The following ADAMTS2 variants were observed in gnomAD, a reference collection of about 807,000 sequenced individuals.
The protein encoded by ADAMTS2 is A disintegrin and metalloproteinase with thrombospondin motifs 2.
In ADAMTS2, 50 loss-of-function variants were observed where a neutral mutation model predicts 123.0. The ratio of observed to expected loss-of-function variants is 0.41; its 90% CI spans 0.32 to 0.51. The LOEUF (loss-of-function observed/expected upper bound fraction) is 0.51, where lower values mean the gene tolerates loss of function less well. Ranked by LOEUF, ADAMTS2 falls within the 20% of genes least tolerant of loss-of-function variation. The pLI is 0.35. For missense variants in ADAMTS2, 1,494 were observed against 1,705.2 expected, an observed-to-expected ratio of 0.88 and a Z score of 2.18; for synonymous variants, 678 against 695.4, an observed-to-expected ratio of 0.98 and a Z score of 0.39.
At chr5:179,311,560 A>G (rs1351350262) in intron 2 of ADAMTS2, among the ~76,000 whole-genome samples, 1 of 152,212 alleles carries the variant, frequency 6.6e-6, no homozygotes, top group Non-Finnish European at 1.5e-5. Flanking sequence ...CAGTTTATCA[A>G]GAACTCTGCT....
In ADAMTS2 at chr5:179,155,032, C is replaced by G; in HGVS notation, c.1133-113G>C. The G allele has an allele frequency of 1.1e-6, 1 of 921,528 alleles. No individual in the cohort carries two copies. Among genetic ancestry groups the G allele is most frequent in the South Asian group, 1.4e-5 (1 of 71,008 alleles). 57.1% of individuals were successfully genotyped at this position (921,528 alleles called of 1,614,324 possible). On this transcript the variant is annotated intron_variant, in intron 6 of 21. Transcript: ENST00000251582. This position sits in a 1 kb window ranked among gnomAD's most constrained non-coding sequence, Gnocchi z 5.1. ...CTCAAGGCCCCAATGCCCTCTCTAC[C>G]ACAGGCAACTGCCCCCGGCTGGCAC... is the stretch of plus-strand genomic sequence containing the variant.
intron 10 of ADAMTS2, among the ~76,000 whole-genome samples, chr5:179,145,857 T>C (rs1763241900): frequency 6.6e-6 from 1 of 152,180 alleles, no homozygotes; most frequent in Non-Finnish European, 1.5e-5. Context: ...CTTTTACTTA[T>C]TTATTTATTT....
intron 9 of ADAMTS2, among the ~76,000 whole-genome samples, chr5:179,152,488 C>T (rs1234888746): frequency 6.6e-6 from 1 of 152,172 alleles, no homozygotes; most frequent in Admixed American, 6.5e-5. Context: ...TCTTTGGAGG[C>T]TGCACACCTC....
chr5:179,231,786 A>G (rs920064252), intron 3 of ADAMTS2, among the ~76,000 whole-genome samples: 1 of 152,000 alleles, frequency 6.6e-6, no homozygotes, highest in Non-Finnish European at 1.5e-5. Context: ...GCAGTGGCTC[A>G]CCCCTGCAGT....
At chr5:179,200,730 C>A (rs911690741) in intron 4 of ADAMTS2, among the ~76,000 whole-genome samples, 1 of 152,176 alleles carries the variant, frequency 6.6e-6, no homozygotes, top group Admixed American at 6.5e-5. Context: ...AAGGGAGAAG[C>A]TTTTCCCCTG....
chr5:179,182,452 T>C (rs1399990793), intron 4 of ADAMTS2, among the ~76,000 whole-genome samples: 1 of 152,132 alleles, frequency 6.6e-6, no homozygotes, highest in African/African-American at 2.4e-5. Context: ...CAACAGTGAT[T>C]GCTACCTCAA....
At chr5:179,318,420 G>C (rs867769708) in intron 2 of ADAMTS2, among the ~76,000 whole-genome samples, 1 of 151,622 alleles carries the variant, frequency 6.6e-6, no homozygotes, top group African/African-American at 2.4e-5. Flanking sequence ...AGGAGATGCC[G>C]GGCGGGGCGG....
At chr5:179,194,576 G>A (rs570717596) in intron 4 of ADAMTS2, among the ~76,000 whole-genome samples, 3 of 152,254 alleles carry the variant, frequency 2.0e-5, no homozygotes, top group South Asian at 2.1e-4. Context: ...ATGAGAACCC[G>A]CGGAGCATGC....
At chr5:179,245,971 A>T (rs907957544) in intron 3 of ADAMTS2, among the ~76,000 whole-genome samples, 16 of 152,108 alleles carry the variant, frequency 1.1e-4, no homozygotes, top group Non-Finnish European at 1.8e-4. Flanking sequence ...CCTCCACAAA[A>T]ACAGGAAATA....
At chr5:179,131,052 G>C (rs34389865) in intron 15 of ADAMTS2, among the ~76,000 whole-genome samples, 37,723 of 151,918 alleles carry the variant, frequency 0.25, 4,785 homozygotes, top group Middle Eastern at 0.34. Flanking sequence ...GTGGCTCACA[G>C]CTGTAATCCC....
At chr5:179,186,573 T>G (rs551398723) in intron 4 of ADAMTS2, among the ~76,000 whole-genome samples, 1 of 152,334 alleles carries the variant, frequency 6.6e-6, no homozygotes, top group African/African-American at 2.4e-5. Flanking sequence ...GCCAGAGGCC[T>G]GCAGGGCCCA....
rs971071447 is a variant in ADAMTS2 at position 179,116,783 on chromosome 5, C to T, written c.3179-2459G>A. Among the ~76,000 whole-genome samples the T allele has an allele frequency of 6.6e-5, 10 of 152,322 alleles. No homozygotes were observed. The East Asian group carries it at 1.5e-3, about 24-fold the overall frequency. ...CCATGCATCAGAGGGTGCCCGACTT[C>T]GGCCCTGAGCTTCTACGTGGCCAAA... is the stretch of plus-strand genomic sequence containing the variant. On this transcript the variant is annotated intron_variant, in intron 21 of 21. Coordinates refer to ENST00000251582, the MANE Select transcript of ADAMTS2 (RefSeq NM_014244.5).
At chr5:179,145,280 T>C (rs1763231927) in intron 10 of ADAMTS2, among the ~76,000 whole-genome samples, 1 of 152,122 alleles carries the variant, frequency 6.6e-6, no homozygotes, top group Non-Finnish European at 1.5e-5. Context: ...TCATTGCCAG[T>C]TGGAATGTAA....
intron 3 of ADAMTS2, among the ~76,000 whole-genome samples, chr5:179,224,916 C>G (rs749011593): frequency 1.3e-5 from 2 of 152,228 alleles, no homozygotes; most frequent in African/African-American, 2.4e-5. Flanking sequence ...CCTCCTCCGT[C>G]TGGCCTGGAG....
intron 13 of ADAMTS2, among the ~76,000 whole-genome samples, chr5:179,134,334 C>T (rs1763015508): frequency 1.3e-5 from 2 of 152,140 alleles, no homozygotes; most frequent in Non-Finnish European, 2.9e-5. Flanking sequence ...GCCAGCCAGT[C>T]TTCAGTCTAT....
At chr5:179,143,696 G>A (rs1450394318) in intron 10 of ADAMTS2, among the ~76,000 whole-genome samples, 10 of 152,082 alleles carry the variant, frequency 6.6e-5, no homozygotes, top group Admixed American at 2.0e-4. Flanking sequence ...CCCTGCTGAC[G>A]TGAGGACAAA....
chr5:179,275,581 C>T (rs144956631), intron 2 of ADAMTS2, among the ~76,000 whole-genome samples: 364 of 152,276 alleles, frequency 2.4e-3, no homozygotes, highest in African/African-American at 8.3e-3. Flanking sequence ...GGCAGATGCG[C>T]AGAGGACGAG....
rs371812828 is a variant in ADAMTS2, at chr5:179,137,820, A to T, written c.1900T>A (p.Phe634Ile). The stretch of plus-strand genomic sequence containing the variant: ...TGGTGCTGGGCGTCGCCGTGCTCGA[A>T]GTACAGGTCCCACTGGCGGCACTGC... ...EEQCRQWDLY[F>I]EHGDAQHHWL... Residue 634 changes from phenylalanine to isoleucine, a missense_variant, in exon 12 of 22, where the codon TTC becomes ATC. Transcript: ENST00000251582. The T allele has an allele frequency of 5.7e-6, 9 of 1,580,078 alleles. No homozygotes were observed. In the African/African-American group the frequency reaches 1.2e-4, roughly 21 times the overall value.
rs1402322490 is a variant in ADAMTS2 at position 179,262,507 on chromosome 5, G to A, written c.688+10404C>T. ...GCGATGAGTGCCACCCATCCCTCCC[G>A]GCCCTGCACGCCTCCCACTCCCCCA... On this transcript the variant is annotated intron_variant, in intron 3 of 21. Transcript: ENST00000251582. This position sits in a 1 kb window ranked among gnomAD's most constrained non-coding sequence, Gnocchi z 5.9. 6.6e-6 allele frequency among the ~76,000 whole-genome samples: 1 copy of A among 151,414 alleles called. No homozygotes were observed.
Sources: gnomAD v4.1 joint callset for allele counts (sites outside exome capture counted in the v4.1 genomes callset) on GRCh38, gnomAD v4.1.1 for gene constraint, Gnocchi (gnomAD v3.1) non-coding constraint, MANE v1.5 for transcripts, NCBI Gene and HGNC (gene_info 2026-07-23, HGNC 2026-07-21) for gene names.